Variants in CHST11 observed in about 807,000 individuals in gnomAD.
CHST11 encodes carbohydrate sulfotransferase 11.
CHST11 carries 9 observed loss-of-function variants against 30.4 expected under a neutral mutation model. That is an observed-to-expected ratio of 0.30 (90% CI 0.18 to 0.52). CHST11 has a LOEUF of 0.52. CHST11 is among the 20% of genes least tolerant of loss of function. The pLI is 0.97. For missense variants in CHST11, 348 were observed against 460.6 expected (o/e 0.76, Z 2.24); for synonymous variants, 152 against 187.8 (o/e 0.81, Z 1.56).
chr12:104,652,819 G>A (rs2136082780), intron 2 of CHST11, among the ~76,000 whole-genome samples: 1 of 152,322 alleles, frequency 6.6e-6, no homozygotes, highest in South Asian at 2.1e-4. Context: ...GGGGCCAGTG[G>A]CTTTGCTCAG....
chr12:104,525,106 C>CT (rs36113644), intron 1 of CHST11, among the ~76,000 whole-genome samples: 3,188 of 139,878 alleles, frequency 0.023, 122 homozygotes, highest in African/African-American at 0.076. Context: ...TTTTTTCTTT[C>CT]TTTTTTTTTT....
At chr12:104,637,457 G>A (rs2039336753) in intron 2 of CHST11, among the ~76,000 whole-genome samples, 1 of 151,818 alleles carries the variant, frequency 6.6e-6, no homozygotes, top group Non-Finnish European at 1.5e-5. Context: ...TGCACGTTGT[G>A]CACATGTATC....
chr12:104,580,205 G>C (rs765157604), intron 1 of CHST11, among the ~76,000 whole-genome samples: 8 of 152,162 alleles, frequency 5.3e-5, no homozygotes, highest in Non-Finnish European at 8.8e-5. Context: ...TGTGGTTTTT[G>C]TTTACAAGAA....
rs1443937395 is a variant in CHST11 at position 104,645,836 on chromosome 12, G to T, written c.204+43845G>T. Among the ~76,000 whole-genome samples, 4 of 152,252 alleles carry T rather than the reference G, an allele frequency of 2.6e-5. No homozygotes were observed. In the East Asian group the frequency reaches 7.7e-4, roughly 29 times the overall value. On this transcript the variant is annotated intron_variant, in intron 2 of 2. Coordinates refer to ENST00000303694, the MANE Select transcript of CHST11 (RefSeq NM_018413.6). The stretch of plus-strand genomic sequence containing the variant: ...CAGAGCACCACTCTTTATCCTAAAG[G>T]GTATCCATCTACCTACAAATTAGGG...
chr12:104,582,741 C>T (rs1028903003), intron 1 of CHST11, among the ~76,000 whole-genome samples: 2 of 151,804 alleles, frequency 1.3e-5, no homozygotes, highest in African/African-American at 4.8e-5. Context: ...TAATACATCT[C>T]GGGATGGTAG....
intron 2 of CHST11, among the ~76,000 whole-genome samples, chr12:104,754,959 C>G (rs562289524): frequency 2.6e-5 from 4 of 152,322 alleles, no homozygotes; most frequent in Non-Finnish European, 5.9e-5. Flanking sequence ...CTTAGTCATA[C>G]TGTCTGCTGT....
intron 1 of CHST11, among the ~76,000 whole-genome samples, chr12:104,535,129 ACT>A (rs1475811728): frequency 2.0e-5 from 3 of 152,210 alleles, no homozygotes; most frequent in Non-Finnish European, 2.9e-5. Context: ...AAAAGATTGT[ACT>A]TATGCCTTCT....
chr12:104,526,263 CTTGGTGTTT>C (rs1377574050), intron 1 of CHST11, among the ~76,000 whole-genome samples: 1 of 151,618 alleles, frequency 6.6e-6, no homozygotes, highest in East Asian at 1.9e-4. Context: ...GAGAATTTCT[CTTGGTGTTT>C]TTGTTCCATG....
intron 1 of CHST11, among the ~76,000 whole-genome samples, chr12:104,503,657 C>A (rs541433350): frequency 1.3e-5 from 2 of 152,272 alleles, no homozygotes; most frequent in South Asian, 2.1e-4. Context: ...ATCTTGTGTC[C>A]CCTAGAGGCC....
intron 2 of CHST11, among the ~76,000 whole-genome samples, chr12:104,648,155 T>A (rs2039453232): frequency 6.6e-6 from 1 of 152,226 alleles, no homozygotes; most frequent in South Asian, 2.1e-4. Context: ...GACTACTGTG[T>A]ATCCTCTTTC....
At chr12:104,700,466 A>G (rs974783704) in intron 2 of CHST11, among the ~76,000 whole-genome samples, 2 of 152,120 alleles carry the variant, frequency 1.3e-5, no homozygotes, top group Admixed American at 6.5e-5. Context: ...TCAAAATCCA[A>G]TCATCTAGGC....
At chr12:104,487,856 T>C (rs1442855053) in intron 1 of CHST11, among the ~76,000 whole-genome samples, 2 of 151,942 alleles carry the variant, frequency 1.3e-5, no homozygotes, top group East Asian at 3.9e-4. Context: ...TTTTTTTTTC[T>C]CTATTTTTTT....
intron 2 of CHST11, among the ~76,000 whole-genome samples, chr12:104,655,424 C>G (rs746983691): frequency 6.6e-6 from 1 of 152,364 alleles, no homozygotes; most frequent in Middle Eastern, 3.4e-3. Context: ...CTCACTCCCC[C>G]CAGCATCCCT....
chr12:104,732,299 G>C (rs1009502626), intron 2 of CHST11, among the ~76,000 whole-genome samples: 1 of 152,142 alleles, frequency 6.6e-6, no homozygotes, highest in Admixed American at 6.5e-5. Context: ...CCAAAGACGT[G>C]GGTGCCTCAG....
chr12:104,479,482 T>C (rs1412964514), intron 1 of CHST11, among the ~76,000 whole-genome samples: 1 of 152,138 alleles, frequency 6.6e-6, no homozygotes, highest in Non-Finnish European at 1.5e-5. Flanking sequence ...AAAAATCTGT[T>C]GAGTGAGCAA....
chr12:104,533,889 C>A (rs1422219671), intron 1 of CHST11, among the ~76,000 whole-genome samples: 1 of 152,174 alleles, frequency 6.6e-6, no homozygotes, highest in African/African-American at 2.4e-5. Flanking sequence ...TGTCCCGTTA[C>A]AAAAATTTCC....
At chr12:104,493,636 C>T (rs985273900) in intron 1 of CHST11, among the ~76,000 whole-genome samples, 3 of 152,182 alleles carry the variant, frequency 2.0e-5, no homozygotes, top group Non-Finnish European at 2.9e-5. Flanking sequence ...CCTTCCTTGC[C>T]GTCTCTACCC....
At chr12:104,645,626 G>C (rs1190678368) in intron 2 of CHST11, among the ~76,000 whole-genome samples, 1 of 152,074 alleles carries the variant, frequency 6.6e-6, no homozygotes, top group East Asian at 1.9e-4. Flanking sequence ...GCTGGTCCTG[G>C]CCTCCAAGGG....
intron 2 of CHST11, among the ~76,000 whole-genome samples, chr12:104,648,118 A>G (rs2039452707): frequency 6.6e-6 from 1 of 152,180 alleles, no homozygotes; most frequent in African/African-American, 2.4e-5. Context: ...AAGGAGGTGA[A>G]GTTTATTTGG....
Sources: allele counts gnomAD v4.1 joint callset (sites outside exome capture counted in the v4.1 genomes callset), GRCh38; gene constraint gnomAD v4.1.1; transcripts MANE v1.5; gene names NCBI Gene and HGNC (gene_info 2026-07-23, HGNC 2026-07-21).